The following ZMYM2 variants were observed in gnomAD, a reference collection of about 807,000 sequenced individuals.
ZMYM2 encodes zinc finger MYM-type containing 2, also known as zinc finger MYM-type protein 2.
ZMYM2 carries 56 observed loss-of-function variants against 162.8 expected under a neutral mutation model. The observed-to-expected ratio is 0.34, with a 90% confidence interval of 0.28 to 0.43. The LOEUF is 0.43. Among genes scored for constraint, ZMYM2 ranks in the 20% least tolerant of loss-of-function variants. The probability of loss-of-function intolerance (pLI) is 1.00; values close to 1 mark genes in which losing one functional copy is unlikely to be tolerated. For synonymous variants in ZMYM2, 510 were observed against 541.6 expected (o/e 0.94, Z 0.81); for missense variants, 1,275 against 1,621.8 (o/e 0.79, Z 3.67).
chr13:19,930,963 C>A, the ZMYM2 span, among the ~76,000 whole-genome samples: 6 of 150,584 alleles, frequency 4.0e-5, no homozygotes, highest in Non-Finnish European at 8.9e-5. Flanking sequence ...TATGGTGAAA[C>A]CCCATCTCTA....
intron 2 of ZMYM2, among the ~76,000 whole-genome samples, chr13:19,980,752 C>CAAAAA (rs914320015): frequency 1.9e-4 from 6 of 31,208 alleles, no homozygotes; most frequent in East Asian, 1.8e-3. Context: ...GACTCCATCT[C>CAAAAA]AAAAAAAAAA....
intron 2 of ZMYM2, among the ~76,000 whole-genome samples, chr13:19,963,713 A>T (rs1052004337): frequency 1.3e-5 from 2 of 152,174 alleles, no homozygotes; most frequent in Non-Finnish European, 2.9e-5. Flanking sequence ...ACATTTGAAC[A>T]TATCTGTTGT....
At chr13:19,890,505 T>TAAAAAAAAAAAAAAAAAAAAAA in the ZMYM2 span, among the ~76,000 whole-genome samples, 5 of 98,448 alleles carry the variant, frequency 5.1e-5, no homozygotes, top group African/African-American at 1.3e-4. Flanking sequence ...AGTGCTTTTG[T>TAAAAAAAAAAAAAAAAAAAAAA]AAAAAAAAAA....
intron 2 of ZMYM2, among the ~76,000 whole-genome samples, chr13:19,962,472 G>T (rs907195327): frequency 1.8e-4 from 25 of 139,120 alleles, no homozygotes; most frequent in African/African-American, 6.7e-4. Flanking sequence ...ATTATGAGAA[G>T]ACTGGGCTAT....
chr13:19,995,981 A>T (rs749796818), intron 3 of ZMYM2, among the ~76,000 whole-genome samples: 1 of 151,904 alleles, frequency 6.6e-6, no homozygotes, highest in Non-Finnish European at 1.5e-5. Flanking sequence ...ACAAAGTGAG[A>T]CCCTGTCTCA....
the ZMYM2 span, among the ~76,000 whole-genome samples, chr13:19,919,815 T>C: frequency 1.3e-5 from 2 of 151,946 alleles, no homozygotes; most frequent in African/African-American, 4.8e-5. Flanking sequence ...GTAGCTGGGA[T>C]TACAGGCATG....
the ZMYM2 span, among the ~76,000 whole-genome samples, chr13:19,952,188 T>G: frequency 2.6e-5 from 4 of 152,002 alleles, no homozygotes; most frequent in Non-Finnish European, 4.4e-5. Flanking sequence ...CAAGTTGAAC[T>G]CATAGAAGCA....
intron 2 of ZMYM2, among the ~76,000 whole-genome samples, chr13:19,975,872 GTATGTATGTATGTAT>G (rs1956738636): frequency 7.9e-6 from 1 of 126,586 alleles, no homozygotes; most frequent in Non-Finnish European, 1.6e-5. Flanking sequence ...ATGTATGTAT[GTATGTATGTATGTAT>G]GTATGTATGT....
intron 7 of ZMYM2, chr13:20,025,357 A>T (rs1952483394): frequency 5.3e-6 from 1 of 189,588 alleles, no homozygotes; most frequent in African/African-American, 2.3e-5. Context: ...CAGAGGATCA[A>T]AACAACTTGC....
intron 2 of ZMYM2, among the ~76,000 whole-genome samples, chr13:19,971,930 ATAAAT>A (rs1484617560): frequency 6.6e-6 from 1 of 152,124 alleles, no homozygotes; most frequent in African/African-American, 2.4e-5. Flanking sequence ...CTTGATTGAG[ATAAAT>A]TAAGGAGTTT....
the ZMYM2 span, among the ~76,000 whole-genome samples, chr13:19,945,729 T>C: frequency 6.6e-6 from 1 of 151,866 alleles, no homozygotes; most frequent in Non-Finnish European, 1.5e-5. Flanking sequence ...ATTTAATAAT[T>C]AGAAAAGTTT....
chr13:20,042,336 T>C (rs1252406244), intron 12 of ZMYM2, among the ~76,000 whole-genome samples: 1 of 152,120 alleles, frequency 6.6e-6, no homozygotes, highest in East Asian at 1.9e-4. Context: ...TTTCTTCCGC[T>C]TGGTCTATTT....
chr13:20,006,362 TTTTTC>T lies in ZMYM2; in HGVS notation c.1300-7_1300-3del. On this transcript the variant is annotated splice_region_variant and splice_polypyrimidine_tract_variant and intron_variant, in intron 5 of 24. Coordinates refer to ENST00000610343, the MANE Select transcript of ZMYM2 (RefSeq NM_197968.4). The stretch of plus-strand genomic sequence containing the variant: ...GATCTGTTTTGTAAGATTTTGTTTA[TTTTTC>T]TTTTAGATTCGCCATGAAGTCAGCT... 1 of 1,556,290 alleles carries T rather than the reference TTTTTC, an allele frequency of 6.4e-7. No individual in the cohort carries two copies. The highest frequency in any genetic ancestry group is 8.7e-7 in the Non-Finnish European group (1 of 1,148,896).
Position 19,986,666 on chromosome 13 carries a change from T to C in ZMYM2, c.-10-6397T>C, listed in dbSNP as rs191690515. On this transcript the variant is annotated intron_variant, in intron 2 of 24. Transcript: ENST00000610343. ...TTCATTCAAAATTGTCATAACTAAT[T>C]CAATTAAAATTTTTTAAATACAAGT... is the stretch of plus-strand genomic sequence containing the variant. 1.5e-3 allele frequency among the ~76,000 whole-genome samples: 234 copies of C among 152,282 alleles called. 1 individual carries two copies. Among genetic ancestry groups the C allele is most frequent in the African/African-American group, 5.3e-3 (220 of 41,578 alleles).
At chr13:20,032,595 CTGTCTTTTTTTTTT>C (rs1953275549) in intron 10 of ZMYM2, among the ~76,000 whole-genome samples, 1 of 96,380 alleles carries the variant, frequency 1.0e-5, no homozygotes, top group African/African-American at 4.1e-5. Context: ...GATTTTTTTT[CTGTCTTTTTTTTTT>C]TTTTTTTTTT....
chr13:19,968,952 A>G (rs913450341), intron 2 of ZMYM2, among the ~76,000 whole-genome samples: 7 of 152,244 alleles, frequency 4.6e-5, no homozygotes, highest in Non-Finnish European at 8.8e-5. Flanking sequence ...ATAAACAGAA[A>G]TGAATAATTA....
At chr13:19,928,430 T>TA in the ZMYM2 span, among the ~76,000 whole-genome samples, 7 of 151,932 alleles carry the variant, frequency 4.6e-5, no homozygotes, top group African/African-American at 1.7e-4. Context: ...TAAGTGCAAT[T>TA]AAAAAAAAGA....
chr13:20,087,177 CAAAG>C lies in ZMYM2; in HGVS notation c.*1167_*1170del, dbSNP rs1471841492. On this transcript the variant is annotated 3_prime_UTR_variant, in exon 25 of 25. Transcript: ENST00000610343. ...ATATTGCAAATGATTGAGGAACAAA[CAAAG>C]AAACTAATAGAGAAAGTCAGTCTCA... 2 of 185,818 alleles carry C rather than the reference CAAAG, an allele frequency of 1.1e-5. No homozygotes were observed. The highest frequency in any genetic ancestry group is 2.0e-4 in the South Asian group (1 of 5,074). 11.5% of individuals were successfully genotyped at this position (185,818 alleles called of 1,614,324 possible). A position where few individuals can be genotyped will look rare whatever the true frequency, so the allele number is the denominator to read the frequency against.
intron 3 of ZMYM2, among the ~76,000 whole-genome samples, chr13:19,998,098 C>G (rs1481163010): frequency 6.6e-6 from 1 of 152,092 alleles, no homozygotes; most frequent in Non-Finnish European, 1.5e-5. Context: ...TTGGGTCTTG[C>G]ATTTATATGC....
Sources: gnomAD v4.1 joint callset for allele counts (sites outside exome capture counted in the v4.1 genomes callset) on GRCh38, gnomAD v4.1.1 for gene constraint, MANE v1.5 for transcripts, NCBI Gene and HGNC (gene_info 2026-07-23, HGNC 2026-07-21) for gene names.